Variants in TMEM145 observed in about 807,000 individuals in gnomAD.
TMEM145 encodes the protein transmembrane protein 145.
In TMEM145, 46 loss-of-function variants were observed where a neutral mutation model predicts 68.5. The ratio of observed to expected loss-of-function variants is 0.67; its 90% CI spans 0.53 to 0.86. The LOEUF (loss-of-function observed/expected upper bound fraction) is 0.86. Ranked by LOEUF, TMEM145 falls within the 40% of genes least tolerant of loss-of-function variation. The probability of loss-of-function intolerance (pLI) is 0.00; values close to 1 mark genes in which losing one functional copy is unlikely to be tolerated. For synonymous variants in TMEM145, 255 were observed against 280.2 expected (o/e 0.91, Z 0.90); for missense variants, 570 against 645.8 (o/e 0.88, Z 1.27).
Position 42,315,274 on chromosome 19 carries a change from TGG to T in TMEM145, c.577+18_577+19del. 6.2e-7 allele frequency: 1 copy of T among 1,611,648 alleles called. No individual in the cohort carries two copies. Among genetic ancestry groups the T allele is most frequent in the South Asian group, 1.1e-5 (1 of 90,990 alleles). On this transcript the variant is annotated intron_variant, in intron 7 of 14. Transcript: ENST00000301204. Reference sequence around the variant, plus strand: ...TTACTTTGGATGTGAGTCTGGCACATGGGGTGTGGGGGAAGAGATAGGAGGGA... The same window carrying T: ...TTACTTTGGATGTGAGTCTGGCACATGGTGTGGGGGAAGAGATAGGAGGGA...
chr19:42,314,644 C>G lies in TMEM145; in HGVS notation c.305C>G (p.Pro102Arg), dbSNP rs779133194. 1 of 1,614,148 alleles carries G rather than the reference C, an allele frequency of 6.2e-7. No individual in the cohort carries two copies. The highest frequency in any genetic ancestry group is 2.2e-5 in the East Asian group (1 of 44,882). ...CTGGCCAAGGAGTCAGTGATCCGGC[C>G]GGAGAACAACCAGGTCATCAACCTC... is the stretch of plus-strand genomic sequence containing the variant. Reference protein sequence around the residue: ...DCLAKESVIRPENNQVINLTT... With the variant: ...DCLAKESVIRRENNQVINLTT... Residue 102 changes from proline (P) to arginine (R), a missense_variant, in exon 4 of 15, where the codon CCG becomes CGG. By Grantham distance (103) the Pro-to-Arg change is moderately radical. Coordinates refer to ENST00000301204, the MANE Select transcript of TMEM145 (RefSeq NM_173633.3).
Position 42,314,260 on chromosome 19 carries a change from C to CCCCTTTTTCAGGACTGGGT in TMEM145, c.121-11_128dup, listed in dbSNP as rs780486619. On this transcript the variant is annotated splice_polypyrimidine_tract_variant and intron_variant, in intron 1 of 14. Transcript: ENST00000301204. Reference sequence around the variant, plus strand: ...GGACTCAGCGGAGGGTCAGACTGGGCCCCTTTTTCAGGACTGGGTGTTCCT... The same window carrying CCCCTTTTTCAGGACTGGGT: ...GGACTCAGCGGAGGGTCAGACTGGGCCCCTTTTTCAGGACTGGGTCCCTTTTTCAGGACTGGGTGTTCCT... 1.2e-6 allele frequency: 2 copies of CCCCTTTTTCAGGACTGGGT among 1,613,874 alleles called. No individual in the cohort carries two copies. The highest frequency in any genetic ancestry group is 1.7e-6 in the Non-Finnish European group (2 of 1,179,892).
Position 42,313,617 on chromosome 19 carries a change from G to A in TMEM145, c.120+121G>A, listed in dbSNP as rs969290278. 144 of 782,914 alleles carry A rather than the reference G, an allele frequency of 1.8e-4. No homozygotes were observed. Among genetic ancestry groups the A allele is most frequent in the African/African-American group, 1.3e-3 (70 of 55,340 alleles). The allele number at this position is 782,914 out of a possible 1,614,324, so 48.5% of individuals were successfully genotyped here. On this transcript the variant is annotated intron_variant, in intron 1 of 14. Transcript: ENST00000301204. The surrounding 1 kb of genome is among the most constrained non-coding windows in gnomAD (Gnocchi z 5.1). ...CCTGGCGGACTCCGGGAGCCTCGGG[G>A]GAGTGGGGCCGAGGGCGATGGGGGA...
Position 42,316,753 on chromosome 19 carries a change from G to A in TMEM145, c.806+13G>A. 1.2e-6 allele frequency: 2 copies of A among 1,613,358 alleles called. No homozygotes were observed. Among genetic ancestry groups the A allele is most frequent in the Non-Finnish European group, 1.7e-6 (2 of 1,179,892 alleles). On this transcript the variant is annotated intron_variant, in intron 10 of 14. Coordinates refer to ENST00000301204, the MANE Select transcript of TMEM145 (RefSeq NM_173633.3). ...TCACGGTGACACGGTGCCCGGGCAG[G>A]GCGTGCTCGTGGGGCGGCTGGTGGG...
rs1217803738 is a variant in TMEM145, at chr19:42,323,805, C to G, written c.1401+16C>G. On this transcript the variant is annotated intron_variant, in intron 14 of 14. Coordinates refer to ENST00000301204, the MANE Select transcript of TMEM145 (RefSeq NM_173633.3). ...CGCCACCTCCGTAAGCCCCGCGGCCCCAGCGCCCGAGGAGCTGCTGGCGCC... is the reference window on the plus strand; with the variant it reads ...CGCCACCTCCGTAAGCCCCGCGGCCGCAGCGCCCGAGGAGCTGCTGGCGCC... 6.2e-7 allele frequency: 1 copy of G among 1,612,226 alleles called. No homozygotes were observed. The highest frequency in any genetic ancestry group is 1.1e-5 in the South Asian group (1 of 91,036).
In TMEM145 at chr19:42,322,232, A is replaced by G. The variant is rs113495160; in HGVS notation, c.1195-1351A>G. Among the ~76,000 whole-genome samples the G allele has an allele frequency of 3.0e-3, 451 of 152,320 alleles. 8 individuals are homozygous for G. The highest frequency in any genetic ancestry group is 0.01 in the African/African-American group (425 of 41,564). Reference sequence around the variant, plus strand: ...CCTGAAGCTCTGCAGGAAGTCAGAAAGGGACAGAAAGAGGAGAAATGCTGA... The same window carrying G: ...CCTGAAGCTCTGCAGGAAGTCAGAAGGGGACAGAAAGAGGAGAAATGCTGA... On this transcript the variant is annotated intron_variant, in intron 13 of 14. Transcript: ENST00000301204.
At chr19:42,322,372 C>T (rs1335349294) in intron 13 of TMEM145, among the ~76,000 whole-genome samples, 2 of 152,162 alleles carry the variant, frequency 1.3e-5, no homozygotes, top group Non-Finnish European at 2.9e-5. Context: ...GTTTAATCAA[C>T]ATGCCCCAGA....
Position 42,319,440 on chromosome 19 carries a change from TTTTG to T in TMEM145, c.1074-865_1074-862del, listed in dbSNP as rs564703010. On this transcript the variant is annotated intron_variant, in intron 12 of 14. Transcript: ENST00000301204. ...ATTCATTCGTCAAATATCTATTTTT[TTTTG>T]TTTGTTTGTTTTTTGTTTTTGAGAC... 1.4e-4 allele frequency among the ~76,000 whole-genome samples: 22 copies of T among 152,306 alleles called. No homozygotes were observed. The East Asian group carries it at 3.1e-3, about 21-fold the overall frequency.
intron 14 of TMEM145, chr19:42,324,384 G>C: frequency 1.0e-6 from 1 of 984,954 alleles, no homozygotes; most frequent in Non-Finnish European, 1.2e-6. Context: ...CTTCCCGCTC[G>C]GTTCCCCAAG....
chr19:42,321,813 A>C (rs969846793), intron 13 of TMEM145: 1 of 152,154 alleles, frequency 6.6e-6, no homozygotes, highest in Non-Finnish European at 1.5e-5. Context: ...AGTCTGTTTC[A>C]TTCTAGGAAC....
At chr19:42,322,349 C>G (rs564701362) in intron 13 of TMEM145, among the ~76,000 whole-genome samples, 1 of 152,150 alleles carries the variant, frequency 6.6e-6, no homozygotes, top group African/African-American at 2.4e-5. Context: ...TTCCCCACAG[C>G]GAGGCTCAGG....
At chr19:42,317,103 C>G (rs1442094709) in intron 11 of TMEM145, 140 bp downstream of exon 11, 1 of 719,756 alleles carries the variant, frequency 1.4e-6, no homozygotes, top group Non-Finnish European at 2.4e-6. Context: ...TTTCTGCTTT[C>G]CCATCTGTCT....
At position 42,313,393 on chromosome 19, in the gene TMEM145, C is replaced by T. The variant is rs755813257; in HGVS notation, c.17C>T (p.Ala6Val). 2.6e-4 allele frequency: 342 copies of T among 1,313,832 alleles called. 1 individual carries two copies. In the Middle Eastern group the frequency reaches 6.6e-3, roughly 25 times the overall value. The allele number at this position is 1,313,832 out of a possible 1,614,324, so 81.4% of individuals were successfully genotyped here. The change falls in exon 1 of 15, where the codon GCG (alanine) becomes GTG (valine). Residue 6 changes from alanine (A) to valine (V), a missense_variant. By Grantham distance (64) the Ala-to-Val change is moderately conservative. Transcript: ENST00000301204. The surrounding 1 kb of genome is among the most constrained non-coding windows in gnomAD (Gnocchi z 5.1). ...GCGGGCGGAATGGAGCCCCTGCGCG[C>T]GCCCGCGCTGCGCCGCCTGCTGCCG... is the stretch of plus-strand genomic sequence containing the variant. The part of the protein sequence containing the change: MEPLR[A>V]PALRRLLPPL...
chr19:42,321,178 T>C, intron 13 of TMEM145: 1 of 398,016 alleles, frequency 2.5e-6, no homozygotes, highest in Non-Finnish European at 4.4e-6. Context: ...TGGCACAGGG[T>C]GAAGCTTTTG....
intron 12 of TMEM145, among the ~76,000 whole-genome samples, chr19:42,318,506 T>G (rs936043939): frequency 1.3e-5 from 2 of 149,988 alleles, no homozygotes; most frequent in Admixed American, 1.3e-4. Flanking sequence ...ATCAACATGG[T>G]GAAACCCCAT....
Position 42,313,414 on chromosome 19 carries a change from T to C in TMEM145, c.38T>C (p.Leu13Pro). The C allele has an allele frequency of 7.3e-7, 1 of 1,364,518 alleles. No homozygotes were observed. The allele number at this position is 1,364,518 out of a possible 1,614,324, so 84.5% of individuals were successfully genotyped here. Residue 13 changes from leucine (L) to proline (P), a missense_variant, in exon 1 of 15, where the codon CTG (leucine) becomes CCG (proline). By Grantham distance (98) the Leu-to-Pro change is moderately conservative. Coordinates refer to ENST00000301204, the MANE Select transcript of TMEM145 (RefSeq NM_173633.3). This position sits in a 1 kb window ranked among gnomAD's most constrained non-coding sequence, Gnocchi z 5.1. The part of the protein sequence containing the change: ...PLRAPALRRL[L>P]PPLLLLLLSL... ...CGCGCGCCCGCGCTGCGCCGCCTGC[T>C]GCCGCCGCTGCTGCTCCTGCTGCTG...
intron 13 of TMEM145, among the ~76,000 whole-genome samples, chr19:42,323,170 C>CTT (rs1204426076): frequency 6.6e-6 from 1 of 152,218 alleles, no homozygotes; most frequent in Non-Finnish European, 1.5e-5. Context: ...ATTACCTGCA[C>CTT]TTTCCAATAT....
At chr19:42,320,262 G>C in intron 12 of TMEM145, 55 bp from the exon 13 acceptor site, 1 of 1,606,850 alleles carries the variant, frequency 6.2e-7, no homozygotes, top group Non-Finnish European at 8.5e-7. Flanking sequence ...TGGGGCTATA[G>C]GGTGGGGTGG....
At chr19:42,321,995 T>C (rs1270093679) in intron 13 of TMEM145, among the ~76,000 whole-genome samples, 1 of 152,158 alleles carries the variant, frequency 6.6e-6, no homozygotes, top group East Asian at 1.9e-4. Flanking sequence ...CTTTGAACCC[T>C]ATCCTTCTCC....
Sources: gnomAD v4.1 joint callset for allele counts (sites outside exome capture counted in the v4.1 genomes callset) on GRCh38, gnomAD v4.1.1 for gene constraint, Gnocchi (gnomAD v3.1) non-coding constraint, MANE v1.5 for transcripts, NCBI Gene and HGNC (gene_info 2026-07-23, HGNC 2026-07-21) for gene names.